The following MACROD2 variants were observed in gnomAD, a reference collection of about 807,000 sequenced individuals.
The protein encoded by MACROD2 is mono-ADP ribosylhydrolase 2, also known as ADP-ribose glycohydrolase MACROD2.
Under a neutral mutation model 70.4 loss-of-function variants are expected in MACROD2, and 36 were observed. The ratio of observed to expected loss-of-function variants is 0.51; its 90% CI spans 0.39 to 0.68. MACROD2 has a LOEUF of 0.68. MACROD2 is among the 30% of genes least tolerant of loss of function. The pLI is 0.00. For missense variants in MACROD2, 496 were observed against 538.4 expected (o/e 0.92, Z 0.78); for synonymous variants, 172 against 178.8 (o/e 0.96, Z 0.30).
At chr20:15,444,094 G>C (rs773805629) in intron 7 of MACROD2, among the ~76,000 whole-genome samples, 1 of 152,110 alleles carries the variant, frequency 6.6e-6, no homozygotes, top group Non-Finnish European at 1.5e-5. Flanking sequence ...TCAACCTTGG[G>C]CAACTGCTAA....
intron 15 of MACROD2, among the ~76,000 whole-genome samples, chr20:16,003,362 G>A (rs1311777936): frequency 6.6e-6 from 1 of 152,042 alleles, no homozygotes; most frequent in African/African-American, 2.4e-5. Context: ...GTGTGTGTGT[G>A]TGTGTGCATC....
At chr20:14,460,358 C>A (rs1159913020) in intron 3 of MACROD2, among the ~76,000 whole-genome samples, 3 of 152,118 alleles carry the variant, frequency 2.0e-5, no homozygotes, top group African/African-American at 7.2e-5. Context: ...TAAAAACCTT[C>A]CTATTTCTCC....
intron 8 of MACROD2, among the ~76,000 whole-genome samples, chr20:15,768,656 T>C (rs1166573975): frequency 6.6e-6 from 1 of 152,248 alleles, no homozygotes; most frequent in Non-Finnish European, 1.5e-5. Flanking sequence ...TGTAACACAT[T>C]TTACTTTATG....
At chr20:15,169,146 A>G (rs947801376) in intron 5 of MACROD2, among the ~76,000 whole-genome samples, 13 of 152,162 alleles carry the variant, frequency 8.5e-5, no homozygotes, top group African/African-American at 3.1e-4. Flanking sequence ...AAATTGGTTA[A>G]AAGGGTACAT....
chr20:15,378,899 A>C (rs2045602996), intron 6 of MACROD2, among the ~76,000 whole-genome samples: 1 of 152,228 alleles, frequency 6.6e-6, no homozygotes, highest in African/African-American at 2.4e-5. Flanking sequence ...ATAAAACTGC[A>C]AAGATGACTG....
chr20:15,653,610 T>C (rs1188515188), intron 8 of MACROD2, among the ~76,000 whole-genome samples: 1 of 152,188 alleles, frequency 6.6e-6, no homozygotes, highest in Non-Finnish European at 1.5e-5. Flanking sequence ...TTGGAGCTTC[T>C]GCAGTGATAG....
chr20:15,282,235 G>A (rs568210454), intron 6 of MACROD2, among the ~76,000 whole-genome samples: 2 of 152,318 alleles, frequency 1.3e-5, no homozygotes, highest in African/African-American at 2.4e-5. Context: ...TTCTGGAGAC[G>A]TTTTCCCCAT....
chr20:15,694,562 GT>G (rs2050340928), intron 8 of MACROD2, among the ~76,000 whole-genome samples: 1 of 151,844 alleles, frequency 6.6e-6, no homozygotes, highest in Admixed American at 6.6e-5. Context: ...TGGATGTGAT[GT>G]TTGTTTTTTT....
chr20:15,649,777 A>G (rs555832422), intron 8 of MACROD2, among the ~76,000 whole-genome samples: 62 of 152,308 alleles, frequency 4.1e-4, no homozygotes, highest in Middle Eastern at 6.8e-3. Flanking sequence ...AGGCTTGGAA[A>G]AAAATCTGGG....
rs1272900253 is a variant in MACROD2 at position 14,638,733 on chromosome 20, G to A, written c.302-46110G>A. On this transcript the variant is annotated intron_variant, in intron 4 of 17. Coordinates refer to ENST00000684519, the MANE Select transcript of MACROD2 (RefSeq NM_001351661.2). Reference sequence around the variant, plus strand: ...TGTGAGGCCATGGCGGGAGGATCACGAGATCAGGAGATCGAGACCATCCTG... The same window carrying A: ...TGTGAGGCCATGGCGGGAGGATCACAAGATCAGGAGATCGAGACCATCCTG... 2.0e-5 allele frequency among the ~76,000 whole-genome samples: 3 copies of A among 152,066 alleles called. No individual in the cohort carries two copies. The East Asian group carries it at 5.8e-4, about 29-fold the overall frequency.
chr20:15,325,293 A>C (rs1010242732), intron 6 of MACROD2, among the ~76,000 whole-genome samples: 3 of 152,168 alleles, frequency 2.0e-5, no homozygotes, highest in African/African-American at 4.8e-5. Flanking sequence ...TTTGAGGTAC[A>C]AGGAAATGGA....
At chr20:16,037,878 T>A (rs1191038412) in intron 15 of MACROD2, among the ~76,000 whole-genome samples, 1 of 151,962 alleles carries the variant, frequency 6.6e-6, no homozygotes, top group Non-Finnish European at 1.5e-5. Context: ...TTGTCCTGTG[T>A]AAGAAATTTT....
At chr20:15,745,975 T>C (rs998612160) in intron 8 of MACROD2, among the ~76,000 whole-genome samples, 2 of 152,156 alleles carry the variant, frequency 1.3e-5, no homozygotes, top group Non-Finnish European at 2.9e-5. Flanking sequence ...TACCTTTTAG[T>C]TTTTGTTTTT....
intron 5 of MACROD2, among the ~76,000 whole-genome samples, chr20:14,970,041 C>T (rs2074676325): frequency 6.6e-6 from 1 of 152,042 alleles, no homozygotes; most frequent in Non-Finnish European, 1.5e-5. Flanking sequence ...TGAAAAAATA[C>T]CTTAAATTTA....
intron 5 of MACROD2, among the ~76,000 whole-genome samples, chr20:15,206,721 G>GTTTTTTTTTTTTTGTTTTTTTT (rs2076707480): frequency 3.0e-5 from 1 of 32,990 alleles, no homozygotes; most frequent in African/African-American, 1.5e-4. Flanking sequence ...TATTATCTAT[G>GTTTTTTTTTTTTTGTTTTTTTT]TTTTTTTTTT....
chr20:14,021,176 A>G (rs970684688), intron 2 of MACROD2, among the ~76,000 whole-genome samples: 1 of 151,776 alleles, frequency 6.6e-6, no homozygotes, highest in Non-Finnish European at 1.5e-5. Context: ...TTTTTAGTAG[A>G]GACGCGGTTT....
chr20:14,237,980 T>C (rs1308828645), intron 3 of MACROD2, among the ~76,000 whole-genome samples: 2 of 152,044 alleles, frequency 1.3e-5, no homozygotes, highest in African/African-American at 4.8e-5. Context: ...GTCTTTGCTA[T>C]TGTGAATAGT....
rs187522843 is a variant in MACROD2 at position 14,797,713 on chromosome 20, A to G, written c.418+112754A>G. On this transcript the variant is annotated intron_variant, in intron 5 of 17. Transcript: ENST00000684519. ...TGTAGATTTTTATTCCTGCACTGGGATATGGGCTATGAAGGATATTTTATT... is the reference window on the plus strand; with the variant it reads ...TGTAGATTTTTATTCCTGCACTGGGGTATGGGCTATGAAGGATATTTTATT... Among the ~76,000 whole-genome samples the G allele has an allele frequency of 1.5e-3, 226 of 152,106 alleles. 2 individuals carry two copies. The highest frequency in any genetic ancestry group is 0.01 in the Middle Eastern group (3 of 294).
intron 3 of MACROD2, among the ~76,000 whole-genome samples, chr20:14,440,756 G>A (rs1317238489): frequency 6.6e-6 from 1 of 152,202 alleles, no homozygotes; most frequent in Non-Finnish European, 1.5e-5. Flanking sequence ...GCCTCAGGGG[G>A]CATTAATACC....
Sources: gnomAD v4.1 joint callset for allele counts (sites outside exome capture counted in the v4.1 genomes callset) on GRCh38, gnomAD v4.1.1 for gene constraint, MANE v1.5 for transcripts, NCBI Gene and HGNC (gene_info 2026-07-23, HGNC 2026-07-21) for gene names.